The following SPAG17 variants were observed in gnomAD, a reference collection of about 807,000 sequenced individuals.
SPAG17 encodes sperm-associated antigen 17.
SPAG17 carries 169 observed loss-of-function variants against 273.6 expected under a neutral mutation model. The ratio of observed to expected loss-of-function variants is 0.62; its 90% confidence interval spans 0.55 to 0.70. The LOEUF (loss-of-function observed/expected upper bound fraction) is 0.70. Ranked by LOEUF, SPAG17 falls within the 30% of genes least tolerant of loss-of-function variation. The pLI, the probability that SPAG17 is intolerant of heterozygous loss-of-function variation, is 0.00. For synonymous variants in SPAG17, 825 were observed against 873.2 expected (o/e 0.94, Z 0.97); for missense variants, 2,557 against 2,627.8 (o/e 0.97, Z 0.59).
chr1:118,144,056 TTGGCC>T (rs1253547846), intron 3 of SPAG17, among the ~76,000 whole-genome samples: 3 of 152,246 alleles, frequency 2.0e-5, no homozygotes, highest in Non-Finnish European at 4.4e-5. Context: ...CCACATGGGC[TTGGCC>T]AGCTGCCTGA....
chr1:118,086,423 T>C (rs1654999632), intron 12 of SPAG17, among the ~76,000 whole-genome samples: 1 of 152,144 alleles, frequency 6.6e-6, no homozygotes, highest in African/African-American at 2.4e-5. Context: ...TAATGAAAAT[T>C]TAGTGGTGGT....
rs887412164 is a variant in SPAG17, at chr1:117,963,737, G to A, written c.*62C>T. The A allele has an allele frequency of 6.2e-6, 9 of 1,463,186 alleles. No homozygotes were observed. In the East Asian group the frequency reaches 2.1e-4, roughly 34 times the overall value. The allele number at this position is 1,463,186 out of a possible 1,614,324, so 90.6% of individuals were successfully genotyped here. The stretch of plus-strand genomic sequence containing the variant: ...ACTATAAGAAGAGGGGAAGAAACCT[G>A]GGGTCTAATACCTCAAATTTGAATG... On this transcript the variant is annotated intron_variant, in intron 48 of 48. Coordinates refer to ENST00000336338, the MANE Select transcript of SPAG17 (RefSeq NM_206996.4).
intron 1 of SPAG17, among the ~76,000 whole-genome samples, chr1:118,167,366 G>C (rs144368502): frequency 3.9e-5 from 6 of 152,022 alleles, no homozygotes; most frequent in African/African-American, 1.4e-4. Context: ...GTTTACTTAT[G>C]TTATAATGAT....
chr1:117,974,894 G>A (rs750712569), intron 43 of SPAG17, among the ~76,000 whole-genome samples: 1 of 152,096 alleles, frequency 6.6e-6, no homozygotes, highest in African/African-American at 2.4e-5. Flanking sequence ...GAATGAGGGG[G>A]CTCTGGCAGT....
At chr1:118,033,912 G>A (rs1648766309) in intron 24 of SPAG17, among the ~76,000 whole-genome samples, 1 of 152,166 alleles carries the variant, frequency 6.6e-6, no homozygotes, top group African/African-American at 2.4e-5. Flanking sequence ...CTCTGTTTAT[G>A]TATAATTTCC....
chr1:118,129,355 G>A (rs562814432), intron 3 of SPAG17, among the ~76,000 whole-genome samples: 1 of 152,298 alleles, frequency 6.6e-6, no homozygotes, highest in African/African-American at 2.4e-5. Context: ...TCCCAGACTA[G>A]CAGCATCAGT....
At chr1:118,077,628 C>T (rs1308905500) in intron 15 of SPAG17, among the ~76,000 whole-genome samples, 1 of 152,108 alleles carries the variant, frequency 6.6e-6, no homozygotes, top group African/African-American at 2.4e-5. Context: ...GAGTGACTTC[C>T]CTGTCATTCA....
intron 1 of SPAG17, among the ~76,000 whole-genome samples, chr1:118,183,966 T>C (rs1392483424): frequency 2.0e-5 from 3 of 152,180 alleles, no homozygotes; most frequent in Non-Finnish European, 2.9e-5. Flanking sequence ...ACTAAAGTTA[T>C]AGAAAGGACC....
intron 1 of SPAG17, among the ~76,000 whole-genome samples, chr1:118,151,792 G>GA (rs1210355033): frequency 6.6e-6 from 1 of 152,052 alleles, no homozygotes; most frequent in East Asian, 1.9e-4. Context: ...AAAAGCAGCT[G>GA]AAAAAAACTG....
chr1:118,181,766 T>C (rs540243067), intron 1 of SPAG17, among the ~76,000 whole-genome samples: 1 of 152,262 alleles, frequency 6.6e-6, no homozygotes, highest in East Asian at 1.9e-4. Context: ...TCCTTGTACA[T>C]TGTTGGTGGG....
intron 25 of SPAG17, among the ~76,000 whole-genome samples, chr1:118,029,888 C>T (rs1379744547): frequency 3.3e-5 from 5 of 151,976 alleles, no homozygotes; most frequent in Non-Finnish European, 7.4e-5. Flanking sequence ...AAATAATTAG[C>T]TAAAAATAAA....
intron 1 of SPAG17, among the ~76,000 whole-genome samples, chr1:118,174,419 T>C (rs1354362389): frequency 6.6e-6 from 1 of 152,104 alleles, no homozygotes; most frequent in African/African-American, 2.4e-5. Context: ...TTTGAAATTA[T>C]AGAGTCTGAT....
chr1:117,974,636 T>A (rs1271688029), intron 43 of SPAG17, among the ~76,000 whole-genome samples: 2 of 152,216 alleles, frequency 1.3e-5, no homozygotes, highest in East Asian at 1.9e-4. Context: ...GATCTTCAGA[T>A]CACTAAATTT....
intron 17 of SPAG17, among the ~76,000 whole-genome samples, chr1:118,072,986 C>T (rs762463252): frequency 6.6e-6 from 1 of 151,762 alleles, no homozygotes; most frequent in Non-Finnish European, 1.5e-5. Context: ...AGATTTTTGC[C>T]TCTGAGAACT....
intron 28 of SPAG17, among the ~76,000 whole-genome samples, chr1:118,018,643 G>T (rs142828637): frequency 2.4e-4 from 36 of 150,414 alleles, no homozygotes; most frequent in African/African-American, 8.3e-4. Flanking sequence ...GACTAGCCTG[G>T]CCAACATAGT....
At chr1:118,175,467 G>GA (rs1026905948) in intron 1 of SPAG17, among the ~76,000 whole-genome samples, 13 of 142,090 alleles carry the variant, frequency 9.1e-5, no homozygotes, top group Admixed American at 3.0e-4. Flanking sequence ...AAAGCAGCAA[G>GA]AAAAAAAAGA....
chr1:117,996,045 C>A (rs955178639), intron 34 of SPAG17, among the ~76,000 whole-genome samples: 3 of 151,962 alleles, frequency 2.0e-5, no homozygotes, highest in Admixed American at 2.0e-4. Flanking sequence ...TTTTTTCTTA[C>A]CAAGATGAAA....
chr1:118,042,929 C>T (rs1026134564), intron 20 of SPAG17, among the ~76,000 whole-genome samples: 12 of 152,116 alleles, frequency 7.9e-5, no homozygotes, highest in African/African-American at 7.2e-5. Flanking sequence ...TTTGTTAAGA[C>T]GCCAAGAACC....
At position 118,177,604 on chromosome 1, in the gene SPAG17, TA is replaced by T. The variant is rs1660754279; in HGVS notation, c.87+7466del. 2.0e-5 allele frequency among the ~76,000 whole-genome samples: 3 copies of T among 151,954 alleles called. No individual in the cohort carries two copies. In the South Asian group the frequency reaches 6.2e-4, roughly 32 times the overall value. ...GAGAAGAAATAAATGAAAATGAAGC[TA>T]AAAAAATACAGATCAATGGAATAAA... On this transcript the variant is annotated intron_variant, in intron 1 of 48. Transcript: ENST00000336338.
Sources: allele counts gnomAD v4.1 joint callset (sites outside exome capture counted in the v4.1 genomes callset), GRCh38; gene constraint gnomAD v4.1.1; transcripts MANE v1.5; gene names NCBI Gene and HGNC (gene_info 2026-07-23, HGNC 2026-07-21).